ZMYND11: variants seen among roughly 807,000 people sequenced by gnomAD.
ZMYND11 encodes the protein zinc finger MYND-type containing 11, also known as zinc finger MYND domain-containing protein 11.
ZMYND11 carries 9 observed loss-of-function variants against 84.9 expected under a neutral mutation model. The observed-to-expected ratio is 0.11, with a 90% confidence interval of 0.06 to 0.18. The LOEUF (loss-of-function observed/expected upper bound fraction) is 0.18, where lower values mean the gene tolerates loss of function less well. Ranked by LOEUF, ZMYND11 falls within the 10% of genes least tolerant of loss-of-function variation. The pLI is 1.00. For synonymous variants in ZMYND11, 250 were observed against 244.1 expected (o/e 1.02, Z -0.23); for missense variants, 409 against 761.0 (o/e 0.54, Z 5.44).
At position 252,673 on chromosome 10, in the gene ZMYND11, T is replaced by TG. The variant is rs1953738248; in HGVS notation, c.*205dup. On this transcript the variant is annotated 3_prime_UTR_variant, in exon 15 of 15. Transcript: ENST00000381604. The surrounding 1 kb of genome is among the most constrained non-coding windows in gnomAD (Gnocchi z 4.6). ...TTTCAGGGGGTAAAAGTAACATCAG[T>TG]GGAGGGTATTATTTTAAATAAATTT... 1 of 471,096 alleles carries TG rather than the reference T, an allele frequency of 2.1e-6. No individual in the cohort carries two copies. The highest frequency in any genetic ancestry group is 3.6e-6 in the Non-Finnish European group (1 of 275,794). The allele number at this position is 471,096 out of a possible 1,614,324, so 29.2% of individuals were successfully genotyped here. A position where few individuals can be genotyped will look rare whatever the true frequency, so the allele number is the denominator to read the frequency against.
chr10:132,944 T>C (rs1835352595), upstream of ZMYND11, among the ~76,000 whole-genome samples: 1 of 152,226 alleles, frequency 6.6e-6, no homozygotes. Flanking sequence ...TATTCAATTG[T>C]ATAAACAGTA....
At chr10:250,117 G>C (rs1015489260) in intron 14 of ZMYND11, among the ~76,000 whole-genome samples, 1 of 152,180 alleles carries the variant, frequency 6.6e-6, no homozygotes, top group Non-Finnish European at 1.5e-5. Context: ...ACTGCTGCTC[G>C]TAAGGTTTTG....
At position 209,950 on chromosome 10, in the gene ZMYND11, G is replaced by T; in HGVS notation, c.178G>T (p.Val60Leu). Residue 60 changes from valine to leucine, a missense_variant, in exon 3 of 15, where the codon GTG becomes TTG. Physicochemically the swap from Val to Leu is conservative, Grantham distance 32. Coordinates refer to ENST00000381604, the MANE Select transcript of ZMYND11 (RefSeq NM_001370100.5). ...KETTRQLSLAVKDGLIVETLT... is the reference protein window; with the variant it reads ...KETTRQLSLALKDGLIVETLT... Reference sequence around the variant, plus strand: ...GACCACCCGTCAGCTGAGCTTAGCTGTGAAAGATGGTCTTATTGTCGAAAC... The same window carrying T: ...GACCACCCGTCAGCTGAGCTTAGCTTTGAAAGATGGTCTTATTGTCGAAAC... 6.2e-7 allele frequency: 1 copy of T among 1,614,126 alleles called. No homozygotes were observed. Among genetic ancestry groups the T allele is most frequent in the Non-Finnish European group, 8.5e-7 (1 of 1,179,990 alleles).
rs72653010 is a variant in ZMYND11, at chr10:208,629, G to A, written c.117-1260G>A. ...TTGTTCATGACTCTGCACTGTGGGC[G>A]TCGAGGACATTAGCACATTTTCCCC... On this transcript the variant is annotated intron_variant, in intron 2 of 14. Coordinates refer to ENST00000381604, the MANE Select transcript of ZMYND11 (RefSeq NM_001370100.5). 3.9e-5 allele frequency among the ~76,000 whole-genome samples: 6 copies of A among 152,284 alleles called. No homozygotes were observed. In the South Asian group the frequency reaches 6.2e-4, roughly 16 times the overall value.
intron 8 of ZMYND11, 43 bp downstream of exon 8, chr10:240,154 A>C (rs778688177): frequency 7.0e-7 from 1 of 1,434,622 alleles, no homozygotes; most frequent in Non-Finnish European, 9.6e-7. Flanking sequence ...CTATAACTGA[A>C]ATTAATTTAT....
intron 4 of ZMYND11, among the ~76,000 whole-genome samples, chr10:228,096 GA>G (rs1172757232): frequency 6.6e-6 from 1 of 151,834 alleles, no homozygotes; most frequent in Non-Finnish European, 1.5e-5. Flanking sequence ...TTAATCAGAG[GA>G]AAAAATAATG....
chr10:171,230 T>C (rs1051361240), intron 1 of ZMYND11, among the ~76,000 whole-genome samples: 1 of 152,206 alleles, frequency 6.6e-6, no homozygotes, highest in Non-Finnish European at 1.5e-5. Flanking sequence ...TAGTTGGAGA[T>C]ATCAATATGC....
intron 1 of ZMYND11, among the ~76,000 whole-genome samples, chr10:170,189 C>G (rs1179873691): frequency 6.6e-6 from 1 of 151,952 alleles, no homozygotes. Context: ...CTATATCTTT[C>G]ATAAAAAGTA....
At chr10:180,274 A>G (rs781693034) in intron 2 of ZMYND11, 146 bp downstream of exon 2, 1 of 563,358 alleles carries the variant, frequency 1.8e-6, no homozygotes, top group East Asian at 3.0e-5. Flanking sequence ...TATTATTAGA[A>G]AAACAAACAC....
intron 2 of ZMYND11, among the ~76,000 whole-genome samples, chr10:194,063 C>T (rs1387675733): frequency 1.3e-5 from 2 of 152,178 alleles, no homozygotes; most frequent in African/African-American, 2.4e-5. Context: ...CAGCTCACTA[C>T]AGCCTCAACC....
intron 4 of ZMYND11, among the ~76,000 whole-genome samples, chr10:228,188 C>T (rs1003548674): frequency 2.5e-4 from 38 of 152,138 alleles, no homozygotes; most frequent in African/African-American, 9.1e-4. Context: ...GTTATCTAGG[C>T]CCAAAGAAGA....
At chr10:166,561 GA>G (rs1156825818) in intron 1 of ZMYND11, among the ~76,000 whole-genome samples, 2 of 152,052 alleles carry the variant, frequency 1.3e-5, no homozygotes, top group Admixed American at 1.3e-4. Flanking sequence ...AGATGGCTAT[GA>G]TTTTTTTTAA....
At chr10:228,512 C>T (rs931785799) in intron 4 of ZMYND11, among the ~76,000 whole-genome samples, 1 of 152,116 alleles carries the variant, frequency 6.6e-6, no homozygotes, top group African/African-American at 2.4e-5. Context: ...ATGCAGTTTC[C>T]TTGTGCTACC....
intron 3 of ZMYND11, among the ~76,000 whole-genome samples, chr10:216,586 A>T: frequency 6.6e-6 from 1 of 152,168 alleles, no homozygotes; most frequent in East Asian, 1.9e-4. Flanking sequence ...CCAAATGTCC[A>T]TGCCCTATCT....
chr10:210,187 T>G (rs1422396244), intron 3 of ZMYND11, 139 bp downstream of exon 3: 1 of 888,644 alleles, frequency 1.1e-6, no homozygotes, highest in Non-Finnish European at 1.7e-6. Flanking sequence ...GGCTCTACAT[T>G]GGTAGTATGG....
At chr10:155,570 G>A (rs1458487732) in intron 1 of ZMYND11, among the ~76,000 whole-genome samples, 3 of 152,188 alleles carry the variant, frequency 2.0e-5, no homozygotes, top group Non-Finnish European at 4.4e-5. Context: ...GGGAACACAA[G>A]TGGTACTTTT....
chr10:147,403 A>G (rs1839149084), intron 1 of ZMYND11, among the ~76,000 whole-genome samples: 1 of 152,016 alleles, frequency 6.6e-6, no homozygotes, highest in Non-Finnish European at 1.5e-5. Context: ...GGCTTTTCAT[A>G]TTTTGAGGTA....
chr10:179,983 T>G lies in ZMYND11; in HGVS notation c.-19-11T>G. ...TGTTTTTTTCCCTTATGTTTTTGTT[T>G]ATTACTGCAGCTAAAGAAGTAAACA... On this transcript the variant is annotated splice_polypyrimidine_tract_variant and intron_variant, in intron 1 of 14. Transcript: ENST00000381604. 6.5e-7 allele frequency: 1 copy of G among 1,535,390 alleles called. No individual in the cohort carries two copies. The highest frequency in any genetic ancestry group is 9.0e-7 in the Non-Finnish European group (1 of 1,115,794).
intron 1 of ZMYND11, among the ~76,000 whole-genome samples, chr10:161,271 A>G (rs782069273): frequency 1.3e-5 from 2 of 152,072 alleles, no homozygotes; most frequent in African/African-American, 2.4e-5. Context: ...AAAGGAATCT[A>G]TTTTTCTGAG....
Sources: gnomAD v4.1 joint callset for allele counts (sites outside exome capture counted in the v4.1 genomes callset) on GRCh38, gnomAD v4.1.1 for gene constraint, Gnocchi (gnomAD v3.1) non-coding constraint, MANE v1.5 for transcripts, NCBI Gene and HGNC (gene_info 2026-07-23, HGNC 2026-07-21) for gene names.